Variants in CSMD1 observed in about 807,000 individuals in gnomAD.
CSMD1 encodes the protein CUB and Sushi multiple domains 1.
Under a neutral mutation model 417.5 loss-of-function variants are expected in CSMD1, and 213 were observed. That is an observed-to-expected ratio of 0.51 (90% CI 0.46 to 0.57). The LOEUF (loss-of-function observed/expected upper bound fraction) is 0.57. CSMD1 is among the 20% of genes least tolerant of loss of function. The pLI is 0.00. For synonymous variants in CSMD1, 2,862 were observed against 1,736.8 expected, an observed-to-expected ratio of 1.65 and a Z score of -16.11; for missense variants, 6,923 against 4,529.7, an observed-to-expected ratio of 1.53 and a Z score of -15.17.
intron 3 of CSMD1, among the ~76,000 whole-genome samples, chr8:4,087,739 T>A (rs1333021878): frequency 6.6e-6 from 1 of 152,172 alleles, no homozygotes; most frequent in Non-Finnish European, 1.5e-5. Flanking sequence ...CTTTCTTCTG[T>A]CTCTCCCGTT....
intron 51 of CSMD1, among the ~76,000 whole-genome samples, chr8:3,020,909 A>G (rs1809315714): frequency 6.6e-6 from 1 of 152,240 alleles, no homozygotes; most frequent in South Asian, 2.1e-4. Flanking sequence ...TTGCTCTACC[A>G]AATGTTAATG....
At chr8:3,363,791 G>T (rs1809362420) in intron 20 of CSMD1, among the ~76,000 whole-genome samples, 2 of 152,170 alleles carry the variant, frequency 1.3e-5, no homozygotes. Flanking sequence ...CTAGAAGTTA[G>T]CACTGAAGAA....
At chr8:4,097,764 G>C (rs778424639) in intron 3 of CSMD1, among the ~76,000 whole-genome samples, 2 of 152,226 alleles carry the variant, frequency 1.3e-5, no homozygotes, top group East Asian at 1.9e-4. Flanking sequence ...TCAAATTCTG[G>C]GTAAGTACGA....
At chr8:3,815,626 CTTTTTT>C (rs5888995) in intron 5 of CSMD1, among the ~76,000 whole-genome samples, 1 of 146,414 alleles carries the variant, frequency 6.8e-6, no homozygotes, top group East Asian at 2.0e-4. Flanking sequence ...GCTAGACTTT[CTTTTTT>C]TTTTTTTTTA....
intron 1 of CSMD1, among the ~76,000 whole-genome samples, chr8:4,724,474 G>A (rs540696679): frequency 6.6e-6 from 1 of 150,810 alleles, no homozygotes; most frequent in African/African-American, 2.4e-5. Flanking sequence ...TAAGTAGCTG[G>A]GAGTTCATCT....
intron 1 of CSMD1, among the ~76,000 whole-genome samples, chr8:4,938,888 G>A (rs760934073): frequency 6.6e-6 from 1 of 152,168 alleles, no homozygotes; most frequent in Non-Finnish European, 1.5e-5. Context: ...TTTTCCTGAT[G>A]ATTACTGACG....
chr8:3,911,586 G>A (rs972009300), intron 5 of CSMD1, among the ~76,000 whole-genome samples: 2 of 151,454 alleles, frequency 1.3e-5, no homozygotes, highest in Admixed American at 6.6e-5. Context: ...ACACCAGCTG[G>A]TCTTTATATT....
intron 50 of CSMD1, among the ~76,000 whole-genome samples, chr8:3,036,604 C>T (rs375722445): frequency 1.3e-4 from 20 of 151,990 alleles, no homozygotes; most frequent in African/African-American, 4.8e-4. Context: ...TTACTGGACA[C>T]GCGAGAGAAA....
chr8:3,937,907 A>T (rs1298728939), intron 5 of CSMD1, among the ~76,000 whole-genome samples: 3 of 152,212 alleles, frequency 2.0e-5, no homozygotes, highest in African/African-American at 7.2e-5. Flanking sequence ...TTAAAGAGTT[A>T]TAAAACTTTA....
At chr8:3,441,075 A>C (rs1421171621) in intron 12 of CSMD1, among the ~76,000 whole-genome samples, 1 of 152,214 alleles carries the variant, frequency 6.6e-6, no homozygotes, top group Non-Finnish European at 1.5e-5. Context: ...AGGAGAAAAC[A>C]GACACCAAGA....
At chr8:4,777,032 G>C (rs898250836) in intron 1 of CSMD1, among the ~76,000 whole-genome samples, 6 of 152,086 alleles carry the variant, frequency 3.9e-5, no homozygotes, top group Non-Finnish European at 5.9e-5. Flanking sequence ...GTAAAGTTCG[G>C]TGTGTTGCAT....
intron 11 of CSMD1, among the ~76,000 whole-genome samples, chr8:3,473,141 C>T (rs79056049): frequency 0.016 from 2,394 of 152,284 alleles, 20 homozygotes; most frequent in Non-Finnish European, 0.023. Flanking sequence ...CTACTTTAGA[C>T]ATACCTCTCA....
At chr8:4,676,881 TATAG>T (rs1421639622) in intron 1 of CSMD1, among the ~76,000 whole-genome samples, 7 of 150,114 alleles carry the variant, frequency 4.7e-5, no homozygotes, top group African/African-American at 1.7e-4. Context: ...ATATTTTATA[TATAG>T]AGAGAGATTT....
At chr8:4,422,551 C>CAA (rs1797309563) in intron 2 of CSMD1, among the ~76,000 whole-genome samples, 2 of 152,044 alleles carry the variant, frequency 1.3e-5, no homozygotes, top group African/African-American at 4.8e-5. Flanking sequence ...ATGCTGTCTA[C>CAA]AAGTCAGGAA....
intron 12 of CSMD1, among the ~76,000 whole-genome samples, chr8:3,414,709 G>T (rs949311377): frequency 6.6e-6 from 1 of 152,084 alleles, no homozygotes; most frequent in Admixed American, 6.6e-5. Flanking sequence ...GACATATCTC[G>T]TTAGTTCTTT....
intron 1 of CSMD1, among the ~76,000 whole-genome samples, chr8:4,702,863 G>C (rs75896987): frequency 0.022 from 3,296 of 152,140 alleles, 51 homozygotes; most frequent in South Asian, 0.038. Flanking sequence ...CATTATTAAA[G>C]AAAATTATTT....
intron 1 of CSMD1, among the ~76,000 whole-genome samples, chr8:4,758,641 G>GC (rs1389352530): frequency 3.3e-5 from 5 of 151,944 alleles, no homozygotes; most frequent in Non-Finnish European, 7.4e-5. Context: ...GGCTGGGGAG[G>GC]CCTCAGGAAA....
At position 3,697,111 on chromosome 8, in the gene CSMD1, T is replaced by C. The variant is rs117302581; in HGVS notation, c.1009+11303A>G. ...CTGCAGGCCCAATATTGCTAGGTCA[T>C]CAATAATCAGCATAATCATCATTCA... On this transcript the variant is annotated intron_variant, in intron 7 of 69. Coordinates refer to ENST00000635120, the MANE Select transcript of CSMD1 (RefSeq NM_033225.6). Among the ~76,000 whole-genome samples, 293 of 152,296 alleles carry C rather than the reference T, an allele frequency of 1.9e-3. 5 individuals are homozygous for C. The East Asian group carries it at 0.044, about 23-fold the overall frequency.
At chr8:4,490,724 A>G (rs578143527) in intron 2 of CSMD1, among the ~76,000 whole-genome samples, 2 of 152,332 alleles carry the variant, frequency 1.3e-5, no homozygotes, top group South Asian at 4.1e-4. Context: ...GAGACAACAG[A>G]GGCCAGAAGC....
Sources: gnomAD v4.1 joint callset for allele counts (sites outside exome capture counted in the v4.1 genomes callset) on GRCh38, gnomAD v4.1.1 for gene constraint, MANE v1.5 for transcripts, NCBI Gene and HGNC (gene_info 2026-07-23, HGNC 2026-07-21) for gene names.